The following GPHN variants were observed in gnomAD, a reference collection of about 807,000 sequenced individuals.
The protein encoded by GPHN is gephyrin.
In GPHN, 17 loss-of-function variants were observed where a neutral mutation model predicts 95.5. The ratio of observed to expected loss-of-function variants is 0.18; its 90% CI spans 0.12 to 0.27. The LOEUF (loss-of-function observed/expected upper bound fraction) is 0.27, where lower values mean the gene tolerates loss of function less well. Ranked by LOEUF, GPHN falls within the 10% of genes least tolerant of loss-of-function variation. The probability of loss-of-function intolerance (pLI) is 1.00; values close to 1 mark genes in which losing one functional copy is unlikely to be tolerated. For missense variants in GPHN, 660 were observed against 978.1 expected, an observed-to-expected ratio of 0.67 and a Z score of 4.34; for synonymous variants, 320 against 322.5, an observed-to-expected ratio of 0.99 and a Z score of 0.08.
intron 9 of GPHN, among the ~76,000 whole-genome samples, chr14:67,020,981 T>C (rs1196678650): frequency 1.3e-5 from 2 of 152,120 alleles, no homozygotes; most frequent in African/African-American, 4.8e-5. Context: ...CTGTGTTACC[T>C]TCTTTATAGT....
At chr14:66,894,141 A>G (rs1435862481) in intron 5 of GPHN, among the ~76,000 whole-genome samples, 4 of 152,200 alleles carry the variant, frequency 2.6e-5, no homozygotes, top group Admixed American at 2.0e-4. Context: ...CCAAAACAGC[A>G]TGGTACTGGT....
rs750981506 is a variant in GPHN, at chr14:66,508,569, A to G, written c.42A>G (p.Gln14=). 1.9e-6 allele frequency: 3 copies of G among 1,613,966 alleles called. No homozygotes were observed. Among genetic ancestry groups the G allele is most frequent in the Non-Finnish European group, 2.5e-6 (3 of 1,179,846 alleles). Residue 14 remains glutamine, a synonymous_variant, in exon 1 of 23, where the codon CAA becomes CAG. Coordinates refer to ENST00000478722, the MANE Select transcript of GPHN (RefSeq NM_020806.5). ...EGMILTNHDH[Q]IRVGVLTVSD... Reference sequence around the variant, plus strand: ...TGATCCTTACTAACCACGACCATCAAATCCGTGTCGGAGTCCTTACAGGTA... The same window carrying G: ...TGATCCTTACTAACCACGACCATCAGATCCGTGTCGGAGTCCTTACAGGTA...
the GPHN span, among the ~76,000 whole-genome samples, chr14:67,518,230 G>A: frequency 1.3e-5 from 2 of 152,218 alleles, no homozygotes; most frequent in African/African-American, 4.8e-5. Context: ...CGGTGTGGTG[G>A]TATGGGCCAG....
Position 66,884,837 on chromosome 14 carries a change from T to A in GPHN, c.389+4804T>A, listed in dbSNP as rs924780065. ...GTGTGTGTATATATATATATATATA[T>A]AAAATAAGAAATATCTAATTCATAA... On this transcript the variant is annotated intron_variant, in intron 5 of 22. Transcript: ENST00000478722. Among the ~76,000 whole-genome samples, 8 of 147,312 alleles carry A rather than the reference T, an allele frequency of 5.4e-5. 1 individual carries two copies. In the South Asian group the frequency reaches 6.3e-4, roughly 12 times the overall value.
At chr14:66,962,509 T>C (rs1433732267) in intron 8 of GPHN, among the ~76,000 whole-genome samples, 1 of 151,844 alleles carries the variant, frequency 6.6e-6, no homozygotes, top group Non-Finnish European at 1.5e-5. Flanking sequence ...TCTCCTAAAG[T>C]CATCTTTATC....
chr14:67,084,227 A>ACTTT (rs2076802038), intron 11 of GPHN, among the ~76,000 whole-genome samples: 1 of 152,240 alleles, frequency 6.6e-6, no homozygotes, highest in South Asian at 2.1e-4. Flanking sequence ...TCACCAAAGA[A>ACTTT]GTTCCAAAAA....
At chr14:67,265,456 T>C in the GPHN span, among the ~76,000 whole-genome samples, 1 of 151,848 alleles carries the variant, frequency 6.6e-6, no homozygotes, top group African/African-American at 2.4e-5. Context: ...CACAGGAGGC[T>C]GAGGTGGGAG....
At chr14:67,476,406 G>A in the GPHN span, among the ~76,000 whole-genome samples, 1 of 151,844 alleles carries the variant, frequency 6.6e-6, no homozygotes, top group Non-Finnish European at 1.5e-5. Context: ...GGCCGACATG[G>A]TGAAACCCTG....
At chr14:67,169,632 A>G (rs565769901) in intron 21 of GPHN, among the ~76,000 whole-genome samples, 1 of 152,330 alleles carries the variant, frequency 6.6e-6, no homozygotes, top group African/African-American at 2.4e-5. Context: ...TACTCAACTA[A>G]TTATGTTATA....
the GPHN span, among the ~76,000 whole-genome samples, chr14:67,468,686 G>A: frequency 7.4e-4 from 113 of 152,092 alleles, 3 homozygotes; most frequent in Non-Finnish European, 1.5e-4. Flanking sequence ...CTGAGGTCAG[G>A]GGTTCAAGAC....
At chr14:66,871,761 CTG>C (rs1335656163) in intron 4 of GPHN, among the ~76,000 whole-genome samples, 5 of 151,214 alleles carry the variant, frequency 3.3e-5, no homozygotes, top group Non-Finnish European at 5.9e-5. Context: ...ACAACACACA[CTG>C]GGGCCTGTCG....
At chr14:67,692,349 C>A in the GPHN span, 4 of 1,428,304 alleles carry the variant, frequency 2.8e-6, no homozygotes, top group African/African-American at 5.8e-5. Context: ...TCCACCACTT[C>A]TATGAGGAAG....
chr14:67,552,988 G>A, the GPHN span, among the ~76,000 whole-genome samples: 1 of 152,198 alleles, frequency 6.6e-6, no homozygotes, highest in East Asian at 1.9e-4. Flanking sequence ...GTCAATAACA[G>A]AGCGATTTCT....
the GPHN span, among the ~76,000 whole-genome samples, chr14:67,225,962 T>TGTGTGTGTGTGTGC: frequency 2.3e-3 from 266 of 113,478 alleles, no homozygotes; most frequent in Non-Finnish European, 2.8e-3. Context: ...TGTGTGTGTG[T>TGTGTGTGTGTGTGC]GCGCGCGCGC....
At chr14:67,046,350 T>G (rs1364500417) in intron 10 of GPHN, among the ~76,000 whole-genome samples, 1 of 151,986 alleles carries the variant, frequency 6.6e-6, no homozygotes, top group Non-Finnish European at 1.5e-5. Flanking sequence ...GAGAGAAAAA[T>G]TACTCTAGGC....
chr14:67,168,939 C>A lies in GPHN; in HGVS notation c.1982C>A (p.Pro661His). 1 of 1,604,086 alleles carries A rather than the reference C, an allele frequency of 6.2e-7. No individual in the cohort carries two copies. Among genetic ancestry groups the A allele is most frequent in the Non-Finnish European group, 8.5e-7 (1 of 1,170,844 alleles). The change falls in exon 21 of 23, where the codon CCT (proline) becomes CAT (histidine). Residue 661 changes from proline to histidine, a missense_variant. Physicochemically the swap from Pro to His is moderately conservative, Grantham distance 77. Coordinates refer to ENST00000478722, the MANE Select transcript of GPHN (RefSeq NM_020806.5). Reference sequence around the variant, plus strand: ...CTGCTTGGTTGACTTTCAGGGAATCCTGTATCGGCTGTGGTCACCTGCAAT... The same window carrying A: ...CTGCTTGGTTGACTTTCAGGGAATCATGTATCGGCTGTGGTCACCTGCAAT... ...RKIIFALPGN[P>H]VSAVVTCNLF...
intron 1 of GPHN, among the ~76,000 whole-genome samples, chr14:66,581,414 A>G (rs1026972725): frequency 6.6e-6 from 1 of 151,940 alleles, no homozygotes; most frequent in Non-Finnish European, 1.5e-5. Flanking sequence ...TACACTTAAG[A>G]TAAAAAGTGG....
chr14:67,599,326 C>G, the GPHN span, among the ~76,000 whole-genome samples: 1 of 152,180 alleles, frequency 6.6e-6, no homozygotes, highest in African/African-American at 2.4e-5. Context: ...CTCACAATAT[C>G]ATGAAGCTGG....
rs1289822460 is a variant in GPHN, at chr14:66,567,482, T to G, written c.64+58891T>G. Among the ~76,000 whole-genome samples, 2 of 152,212 alleles carry G rather than the reference T, an allele frequency of 1.3e-5. 1 individual carries two copies. The highest frequency in any genetic ancestry group is 2.9e-5 in the Non-Finnish European group (2 of 68,034). ...AAAATTCCCTAGGGATTTGTTTGGATCTGGGATTGTAAAGCCATAGAGTAC... is the reference window on the plus strand; with the variant it reads ...AAAATTCCCTAGGGATTTGTTTGGAGCTGGGATTGTAAAGCCATAGAGTAC... On this transcript the variant is annotated intron_variant, in intron 1 of 22. Coordinates refer to ENST00000478722, the MANE Select transcript of GPHN (RefSeq NM_020806.5).
Sources: allele counts gnomAD v4.1 joint callset (sites outside exome capture counted in the v4.1 genomes callset), GRCh38; gene constraint gnomAD v4.1.1; transcripts MANE v1.5; gene names NCBI Gene and HGNC (gene_info 2026-07-23, HGNC 2026-07-21).